Variants in SPOCK3 observed in about 807,000 individuals in gnomAD.
SPOCK3 encodes the protein SPARC (osteonectin), cwcv and kazal like domains proteoglycan 3.
Under a neutral mutation model 56.6 loss-of-function variants are expected in SPOCK3, and 30 were observed. The ratio of observed to expected loss-of-function variants is 0.53; its 90% CI spans 0.40 to 0.72. The LOEUF (loss-of-function observed/expected upper bound fraction) is 0.72, where lower values mean the gene tolerates loss of function less well. SPOCK3 is among the 30% of genes least tolerant of loss of function. SPOCK3 has a pLI of 0.00. For missense variants in SPOCK3, 527 were observed against 530.0 expected (o/e 0.99, Z 0.06); for synonymous variants, 196 against 183.3 (o/e 1.07, Z -0.56).
intron 2 of SPOCK3, among the ~76,000 whole-genome samples, chr4:167,071,233 T>A (rs1181344514): frequency 6.6e-6 from 1 of 151,894 alleles, no homozygotes; most frequent in Non-Finnish European, 1.5e-5. Context: ...ATAAATAAAT[T>A]AAGAATCTTT....
At chr4:166,794,910 T>C (rs1293298166) in intron 6 of SPOCK3, among the ~76,000 whole-genome samples, 16 of 152,152 alleles carry the variant, frequency 1.1e-4, no homozygotes. Flanking sequence ...CCCAAAGTGC[T>C]GGAATTAAAG....
Position 167,179,575 on chromosome 4 carries a change from G to A in SPOCK3, c.189+54410C>T, listed in dbSNP as rs530053259. On this transcript the variant is annotated intron_variant, in intron 2 of 10. Coordinates refer to ENST00000357545, the MANE Select transcript of SPOCK3 (RefSeq NM_001040159.2). ...CTATTTTCTTTATCTAATTTATTATGTATGGGTTTCTTACAATCTTAATAT... is the reference window on the plus strand; with the variant it reads ...CTATTTTCTTTATCTAATTTATTATATATGGGTTTCTTACAATCTTAATAT... Among the ~76,000 whole-genome samples the A allele has an allele frequency of 2.6e-3, 388 of 152,058 alleles. 3 individuals are homozygous for A. The highest frequency in any genetic ancestry group is 6.0e-3 in the Admixed American group (92 of 15,266).
At chr4:166,797,615 T>A (rs1394266961) in intron 6 of SPOCK3, among the ~76,000 whole-genome samples, 1 of 151,994 alleles carries the variant, frequency 6.6e-6, no homozygotes, top group Non-Finnish European at 1.5e-5. Flanking sequence ...TTTACATGAG[T>A]GATGGAAACA....
At chr4:167,116,910 TG>T (rs1448282288) in intron 2 of SPOCK3, among the ~76,000 whole-genome samples, 3 of 103,760 alleles carry the variant, frequency 2.9e-5, no homozygotes, top group Non-Finnish European at 6.5e-5. Flanking sequence ...TGTGTGTGTG[TG>T]TGTATATATA....
chr4:166,837,953 G>T (rs1484448206), intron 6 of SPOCK3, among the ~76,000 whole-genome samples: 1 of 152,126 alleles, frequency 6.6e-6, no homozygotes, highest in Non-Finnish European at 1.5e-5. Context: ...AGGATTCTGG[G>T]TTGACAGTTC....
chr4:166,806,923 T>C (rs539880323), intron 6 of SPOCK3, among the ~76,000 whole-genome samples: 1 of 152,048 alleles, frequency 6.6e-6, no homozygotes, highest in South Asian at 2.1e-4. Context: ...AACTTTAATT[T>C]ATAAATTAGG....
At chr4:166,851,303 CA>C (rs1034464181) in intron 6 of SPOCK3, among the ~76,000 whole-genome samples, 2 of 152,126 alleles carry the variant, frequency 1.3e-5, no homozygotes, top group African/African-American at 4.8e-5. Context: ...ATATCCACAC[CA>C]AAAACCCATC....
At chr4:166,812,649 T>A (rs1238752800) in intron 6 of SPOCK3, among the ~76,000 whole-genome samples, 8 of 152,004 alleles carry the variant, frequency 5.3e-5, no homozygotes, top group African/African-American at 1.9e-4. Flanking sequence ...ATATTTGTAT[T>A]AGTTCAACTA....
chr4:167,159,144 T>C (rs1024629123), intron 2 of SPOCK3, among the ~76,000 whole-genome samples: 3 of 152,012 alleles, frequency 2.0e-5, no homozygotes, highest in African/African-American at 7.2e-5. Context: ...TTAACCTAAT[T>C]AAGCTTTTAT....
At chr4:166,862,098 G>C (rs764605753) in intron 6 of SPOCK3, among the ~76,000 whole-genome samples, 1 of 152,052 alleles carries the variant, frequency 6.6e-6, no homozygotes, top group South Asian at 2.1e-4. Flanking sequence ...TTTTAGCACA[G>C]CAATTTAAAT....
chr4:166,905,880 TA>T (rs1736550676), intron 5 of SPOCK3, among the ~76,000 whole-genome samples: 1 of 151,934 alleles, frequency 6.6e-6, no homozygotes, highest in South Asian at 2.1e-4. Context: ...ATAGTACTAA[TA>T]AAAAAGTACT....
At chr4:166,998,785 TG>T (rs1239468555) in intron 4 of SPOCK3, among the ~76,000 whole-genome samples, 1 of 152,132 alleles carries the variant, frequency 6.6e-6, no homozygotes. Context: ...TTTGCTTTTA[TG>T]GGAGATAAAC....
intron 5 of SPOCK3, among the ~76,000 whole-genome samples, chr4:166,892,036 C>A (rs1734840526): frequency 6.6e-6 from 1 of 152,034 alleles, no homozygotes; most frequent in East Asian, 1.9e-4. Context: ...AACAAACATA[C>A]AACAACTATT....
intron 3 of SPOCK3, among the ~76,000 whole-genome samples, chr4:167,025,980 T>C (rs1253324681): frequency 6.6e-6 from 1 of 152,050 alleles, no homozygotes; most frequent in Non-Finnish European, 1.5e-5. Context: ...TGTAACACAA[T>C]GGTAAGAATG....
At chr4:167,056,449 G>A (rs942582090) in intron 3 of SPOCK3, among the ~76,000 whole-genome samples, 3 of 152,206 alleles carry the variant, frequency 2.0e-5, no homozygotes, top group East Asian at 1.9e-4. Flanking sequence ...TGACTTTGAC[G>A]AGCTGAGAGA....
chr4:166,814,586 T>C (rs955855555), intron 6 of SPOCK3, among the ~76,000 whole-genome samples: 5 of 152,126 alleles, frequency 3.3e-5, no homozygotes, highest in Admixed American at 1.3e-4. Context: ...ACCTTGGACA[T>C]CAGACTCCAG....
At chr4:167,104,243 C>A (rs997199856) in intron 2 of SPOCK3, among the ~76,000 whole-genome samples, 2 of 152,138 alleles carry the variant, frequency 1.3e-5, no homozygotes, top group Non-Finnish European at 2.9e-5. Context: ...CTAAATAAGG[C>A]ACCAAAAACC....
intron 2 of SPOCK3, among the ~76,000 whole-genome samples, chr4:167,142,338 G>T (rs954298458): frequency 1.3e-5 from 2 of 151,992 alleles, no homozygotes; most frequent in Non-Finnish European, 1.5e-5. Flanking sequence ...GGTTGATGCA[G>T]TAAGATTCAA....
chr4:167,092,775 A>C (rs570308968), intron 2 of SPOCK3, among the ~76,000 whole-genome samples: 39 of 152,318 alleles, frequency 2.6e-4, no homozygotes, highest in Admixed American at 7.2e-4. Flanking sequence ...AGAATAATAG[A>C]GAAAATTTTC....
Sources: gnomAD v4.1 joint callset for allele counts (sites outside exome capture counted in the v4.1 genomes callset) on GRCh38, gnomAD v4.1.1 for gene constraint, MANE v1.5 for transcripts, NCBI Gene and HGNC (gene_info 2026-07-23, HGNC 2026-07-21) for gene names.